Variants in MTSS1 observed in about 807,000 individuals in gnomAD.
MTSS1 encodes protein MTSS 1.
In MTSS1, 18 loss-of-function variants were observed where a neutral mutation model predicts 79.0. The ratio of observed to expected loss-of-function variants is 0.23; its 90% CI spans 0.16 to 0.34. MTSS1 has a LOEUF of 0.34. Among genes scored for constraint, MTSS1 ranks in the 10% least tolerant of loss-of-function variants. The probability of loss-of-function intolerance (pLI) is 1.00; values close to 1 mark genes in which losing one functional copy is unlikely to be tolerated. For missense variants in MTSS1, 815 were observed against 986.2 expected, an observed-to-expected ratio of 0.83 and a Z score of 2.33; for synonymous variants, 341 against 368.6, an observed-to-expected ratio of 0.93 and a Z score of 0.86.
chr8:124,692,946 G>C (rs1828201212), intron 3 of MTSS1, among the ~76,000 whole-genome samples: 1 of 152,102 alleles, frequency 6.6e-6, no homozygotes, highest in African/African-American at 2.4e-5. Flanking sequence ...CTCCAATCTG[G>C]TGGGGAAGAT....
At chr8:124,577,739 A>T (rs1283810814) in intron 6 of MTSS1, 3 of 455,492 alleles carry the variant, frequency 6.6e-6, no homozygotes, top group Non-Finnish European at 1.3e-5. Flanking sequence ...GGCTGGAACC[A>T]TCCCACCCTC....
chr8:124,704,033 C>T (rs1288389377), intron 2 of MTSS1, 97 bp downstream of exon 2: 2 of 1,111,326 alleles, frequency 1.8e-6, no homozygotes, highest in Non-Finnish European at 2.7e-6. Flanking sequence ...GCAGCACTTC[C>T]TGAATCAACC....
chr8:124,697,622 G>C (rs1006682311), intron 3 of MTSS1, among the ~76,000 whole-genome samples: 1 of 151,630 alleles, frequency 6.6e-6, no homozygotes, highest in Non-Finnish European at 1.5e-5. Context: ...ATTACAGAAA[G>C]ATAAAAATAT....
intron 3 of MTSS1, among the ~76,000 whole-genome samples, chr8:124,674,519 A>C (rs1467259872): frequency 2.6e-5 from 4 of 151,800 alleles, no homozygotes; most frequent in African/African-American, 9.7e-5. Flanking sequence ...TTATTCTTAT[A>C]TTTTTAGTAA....
intron 6 of MTSS1, among the ~76,000 whole-genome samples, chr8:124,570,581 T>A (rs557576754): frequency 6.6e-6 from 1 of 151,926 alleles, no homozygotes; most frequent in Non-Finnish European, 1.5e-5. Flanking sequence ...AAAACCACAG[T>A]ATATGTAAGG....
chr8:124,559,164 T>C (rs761135274), intron 10 of MTSS1, among the ~76,000 whole-genome samples: 22 of 152,258 alleles, frequency 1.4e-4, no homozygotes, highest in South Asian at 8.3e-4. Context: ...CACCGAAATA[T>C]CTGGTCATGG....
chr8:124,687,184 C>A (rs1827126602), intron 3 of MTSS1, among the ~76,000 whole-genome samples: 1 of 152,150 alleles, frequency 6.6e-6, no homozygotes, highest in Non-Finnish European at 1.5e-5. Context: ...AGGGTGGAGA[C>A]AATTACTATC....
chr8:124,628,895 G>A (rs1182146746), intron 3 of MTSS1, among the ~76,000 whole-genome samples: 2 of 152,178 alleles, frequency 1.3e-5, no homozygotes, highest in African/African-American at 2.4e-5. Context: ...TCCGAAGTCT[G>A]CACTTCTTCC....
intron 6 of MTSS1, among the ~76,000 whole-genome samples, chr8:124,581,492 G>A (rs543449484): frequency 2.7e-5 from 4 of 148,666 alleles, no homozygotes; most frequent in South Asian, 4.2e-4. Flanking sequence ...GTCTCCCTCC[G>A]TTGCCCAGGC....
At chr8:124,682,348 G>A (rs979306321) in intron 3 of MTSS1, among the ~76,000 whole-genome samples, 1 of 152,178 alleles carries the variant, frequency 6.6e-6, no homozygotes, top group East Asian at 1.9e-4. Flanking sequence ...CCTGGAGGTT[G>A]CACAACCATC....
chr8:124,709,292 A>G (rs1330146628), intron 1 of MTSS1, among the ~76,000 whole-genome samples: 1 of 152,056 alleles, frequency 6.6e-6, no homozygotes, highest in Admixed American at 6.6e-5. Flanking sequence ...CCCACCAAGA[A>G]GTCCCCAGAA....
At chr8:124,584,044 G>T (rs1249498446) in intron 6 of MTSS1, among the ~76,000 whole-genome samples, 1 of 152,102 alleles carries the variant, frequency 6.6e-6, no homozygotes, top group African/African-American at 2.4e-5. Context: ...TCTCAAAATG[G>T]GTTTATGGTT....
At chr8:124,712,939 G>A (rs545805004) in intron 1 of MTSS1, among the ~76,000 whole-genome samples, 155 of 152,150 alleles carry the variant, frequency 1.0e-3, no homozygotes, top group African/African-American at 3.6e-3. Flanking sequence ...TGGATGCCCG[G>A]GCTGTTTTCT....
intron 5 of MTSS1, among the ~76,000 whole-genome samples, chr8:124,585,802 A>G (rs1830761415): frequency 6.6e-6 from 1 of 152,106 alleles, no homozygotes; most frequent in Non-Finnish European, 1.5e-5. Context: ...CCGGGCCCAA[A>G]TCCACAGTGT....
At chr8:124,676,253 G>T (rs1825269434) in intron 3 of MTSS1, among the ~76,000 whole-genome samples, 1 of 152,176 alleles carries the variant, frequency 6.6e-6, no homozygotes, top group Non-Finnish European at 1.5e-5. Context: ...TTCCTAACAT[G>T]CATGGAAAAT....
At chr8:124,556,534 A>T in intron 11 of MTSS1, 129 bp from the exon 12 acceptor site, 1 of 1,049,636 alleles carries the variant, frequency 9.5e-7, no homozygotes, top group Non-Finnish European at 1.3e-6. Flanking sequence ...GGGACAAGCC[A>T]CAGGCCCTCT....
chr8:124,589,631 T>G lies in MTSS1; in HGVS notation c.374A>C (p.Asp125Ala), dbSNP rs1263620146. The change falls in exon 5 of 14, where the codon GAC becomes GCC. Residue 125 changes from aspartate to alanine, a missense_variant. By Grantham distance (126) the Asp-to-Ala change is moderately radical (BLOSUM62 -2). This residue lies in a region of MTSS1 where 225 missense variants were observed against 365.4 expected (regional missense o/e 0.62). Transcript: ENST00000518547. ...TCTCGCCCCTGTACCTTTTGCGTGG[T>G]CTTTATCCAGCTGGTTGGCCACTTT... The part of the protein sequence containing the change: ...WKKVANQLDK[D>A]HAKEYKKARQ... 1 of 1,613,286 alleles carries G rather than the reference T, an allele frequency of 6.2e-7. No homozygotes were observed. The highest frequency in any genetic ancestry group is 8.5e-7 in the Non-Finnish European group (1 of 1,179,660).
chr8:124,574,524 G>A (rs1828567313), intron 6 of MTSS1, among the ~76,000 whole-genome samples: 1 of 152,150 alleles, frequency 6.6e-6, no homozygotes. Context: ...GGTTCTTTGT[G>A]TTTCCTACTC....
At chr8:124,706,099 C>T (rs993289872) in intron 1 of MTSS1, among the ~76,000 whole-genome samples, 41 of 152,012 alleles carry the variant, frequency 2.7e-4, no homozygotes, top group African/African-American at 9.9e-4. Context: ...TTCAAAAGAT[C>T]ATGCATAGCA....
Sources: allele counts gnomAD v4.1 joint callset (sites outside exome capture counted in the v4.1 genomes callset), GRCh38; gene constraint gnomAD v4.1.1; regional missense constraint gnomAD v4.1.1; transcripts MANE v1.5; gene names NCBI Gene and HGNC (gene_info 2026-07-23, HGNC 2026-07-21).